Variants in NPAS3 observed in about 807,000 individuals in gnomAD.
NPAS3 encodes the protein neuronal PAS domain protein 3.
Under a neutral mutation model 73.1 loss-of-function variants are expected in NPAS3, and 14 were observed. The ratio of observed to expected loss-of-function variants is 0.19; its 90% CI spans 0.13 to 0.30. The LOEUF is 0.30. Ranked by LOEUF, NPAS3 falls within the 10% of genes least tolerant of loss-of-function variation. NPAS3 has a pLI of 1.00. For synonymous variants in NPAS3, 620 were observed against 541.5 expected (o/e 1.14, Z -2.01); for missense variants, 1,096 against 1,250.0 (o/e 0.88, Z 1.86).
intron 3 of NPAS3, among the ~76,000 whole-genome samples, chr14:33,261,911 G>T (rs1484361134): frequency 1.3e-5 from 2 of 152,136 alleles, no homozygotes; most frequent in African/African-American, 2.4e-5. Context: ...TGCTTGCCTT[G>T]AGAGCAAGGG....
intron 3 of NPAS3, among the ~76,000 whole-genome samples, chr14:33,348,524 T>A (rs538155205): frequency 6.6e-6 from 1 of 152,330 alleles, no homozygotes; most frequent in South Asian, 2.1e-4. Context: ...GAATTATTTT[T>A]AACCATCTTT....
At chr14:33,178,598 G>C (rs1402200092) in intron 2 of NPAS3, among the ~76,000 whole-genome samples, 1 of 152,118 alleles carries the variant, frequency 6.6e-6, no homozygotes, top group Non-Finnish European at 1.5e-5. Context: ...AAATGGAATT[G>C]CTTTATTTTC....
At chr14:33,016,561 A>T (rs2039400895) in intron 1 of NPAS3, among the ~76,000 whole-genome samples, 1 of 151,526 alleles carries the variant, frequency 6.6e-6, no homozygotes, top group Non-Finnish European at 1.5e-5. Flanking sequence ...TACACATGTA[A>T]AATATAGAAC....
At chr14:33,138,817 T>C (rs1194077248) in intron 2 of NPAS3, among the ~76,000 whole-genome samples, 1 of 152,224 alleles carries the variant, frequency 6.6e-6, no homozygotes, top group Non-Finnish European at 1.5e-5. Flanking sequence ...GATAGGGTTA[T>C]ATACTTGACA....
chr14:33,644,584 T>C (rs1292154709), intron 5 of NPAS3, among the ~76,000 whole-genome samples: 1 of 152,152 alleles, frequency 6.6e-6, no homozygotes, highest in African/African-American at 2.4e-5. Flanking sequence ...GGTAGTGTCA[T>C]CTTTATTTCA....
intron 6 of NPAS3, chr14:33,680,648 C>T (rs1191733021): frequency 2.8e-6 from 2 of 702,758 alleles, no homozygotes; most frequent in South Asian, 1.5e-5. Flanking sequence ...CTGTAGGACC[C>T]CTGTCAGGAA....
At chr14:33,029,869 G>T (rs2039930490) in intron 1 of NPAS3, among the ~76,000 whole-genome samples, 1 of 152,130 alleles carries the variant, frequency 6.6e-6, no homozygotes, top group Admixed American at 6.5e-5. Flanking sequence ...TAAAATATTT[G>T]CCCTCCAAAT....
chr14:33,130,924 C>T (rs1286870486), intron 2 of NPAS3, among the ~76,000 whole-genome samples: 1 of 152,034 alleles, frequency 6.6e-6, no homozygotes, highest in Non-Finnish European at 1.5e-5. Context: ...ATTTTTCAGC[C>T]AGGACAGGCT....
intron 3 of NPAS3, among the ~76,000 whole-genome samples, chr14:33,303,095 T>C (rs539406029): frequency 3.0e-4 from 45 of 152,164 alleles, no homozygotes; most frequent in African/African-American, 1.1e-3. Context: ...ACTTTATATA[T>C]AACTAATACA....
intron 8 of NPAS3, among the ~76,000 whole-genome samples, chr14:33,775,736 T>C (rs1293148281): frequency 6.6e-6 from 1 of 152,202 alleles, no homozygotes; most frequent in Admixed American, 6.5e-5. Context: ...ATGTTTATGA[T>C]CGTGACATCG....
chr14:33,368,419 G>T (rs563304130), intron 4 of NPAS3, among the ~76,000 whole-genome samples: 1 of 152,016 alleles, frequency 6.6e-6, no homozygotes, highest in Admixed American at 6.6e-5. Context: ...CTCATAGGAT[G>T]CATTCTTGGG....
chr14:33,082,110 C>T (rs2041878658), intron 2 of NPAS3, among the ~76,000 whole-genome samples: 1 of 152,214 alleles, frequency 6.6e-6, no homozygotes, highest in Non-Finnish European at 1.5e-5. Flanking sequence ...TGTTGGTTGA[C>T]TGGCCCAAAG....
intron 6 of NPAS3, among the ~76,000 whole-genome samples, chr14:33,709,737 T>C (rs76254778): frequency 0.061 from 9,257 of 152,212 alleles, 367 homozygotes; most frequent in South Asian, 0.19. Flanking sequence ...AAGCCCAACT[T>C]CACCATGGCT....
At chr14:33,716,039 G>T (rs958774138) in intron 6 of NPAS3, among the ~76,000 whole-genome samples, 1 of 152,112 alleles carries the variant, frequency 6.6e-6, no homozygotes, top group Admixed American at 6.5e-5. Context: ...ACCCAGTCTT[G>T]GGTGTGTCCT....
chr14:33,266,433 A>G (rs2040819048), intron 3 of NPAS3, among the ~76,000 whole-genome samples: 1 of 152,174 alleles, frequency 6.6e-6, no homozygotes, highest in African/African-American at 2.4e-5. Context: ...TAACCCATCA[A>G]TGAGAATCCT....
At chr14:33,657,400 A>G in intron 5 of NPAS3, among the ~76,000 whole-genome samples, 1 of 152,220 alleles carries the variant, frequency 6.6e-6, no homozygotes, top group East Asian at 1.9e-4. Context: ...TGAATAGGAT[A>G]TCATCCCAGA....
At chr14:33,792,911 C>T (rs1416648543) in intron 9 of NPAS3, among the ~76,000 whole-genome samples, 1 of 152,216 alleles carries the variant, frequency 6.6e-6, no homozygotes, top group Non-Finnish European at 1.5e-5. Context: ...CGAGTTGCTG[C>T]GATCCGCAGC....
chr14:33,437,931 T>C (rs2049060098), intron 4 of NPAS3, among the ~76,000 whole-genome samples: 2 of 152,246 alleles, frequency 1.3e-5, no homozygotes, highest in African/African-American at 4.8e-5. Flanking sequence ...TTCCAGTATA[T>C]TTCCAGCATT....
At chr14:33,634,104 G>T (rs897222061) in intron 5 of NPAS3, among the ~76,000 whole-genome samples, 5 of 152,322 alleles carry the variant, frequency 3.3e-5, no homozygotes, top group African/African-American at 1.2e-4. Context: ...TGAGATTTCA[G>T]AAATAGCTTA....
Sources: allele counts gnomAD v4.1 joint callset (sites outside exome capture counted in the v4.1 genomes callset), GRCh38; gene constraint gnomAD v4.1.1; transcripts MANE v1.5; gene names NCBI Gene and HGNC (gene_info 2026-07-23, HGNC 2026-07-21).